Variants in B3GALNT1 observed in about 807,000 individuals in gnomAD.
B3GALNT1 encodes beta-1,3-N-acetylgalactosaminyltransferase 1 (Globoside blood group), also known as UDP-GalNAc:beta-1,3-N-acetylgalactosaminyltransferase 1.
In B3GALNT1, 17 loss-of-function variants were observed where a neutral mutation model predicts 27.3. The ratio of observed to expected loss-of-function variants is 0.62; its 90% CI spans 0.43 to 0.94. B3GALNT1 has a LOEUF of 0.94. Ranked by LOEUF, B3GALNT1 falls within the 40% of genes least tolerant of loss-of-function variation. The pLI is 0.00. For synonymous variants in B3GALNT1, 141 were observed against 144.0 expected (o/e 0.98, Z 0.15); for missense variants, 347 against 390.0 (o/e 0.89, Z 0.93).
intron 4 of B3GALNT1, among the ~76,000 whole-genome samples, chr3:161,094,253 A>C (rs1424129362): frequency 6.6e-6 from 1 of 152,242 alleles, no homozygotes; most frequent in Non-Finnish European, 1.5e-5. Flanking sequence ...TGATATAAAC[A>C]GTATGGCAGC....
intron 3 of B3GALNT1, 94 bp from the exon 4 acceptor site, chr3:161,101,327 T>C: frequency 1.4e-6 from 1 of 689,910 alleles, no homozygotes; most frequent in South Asian, 1.5e-5. Context: ...ACAAAGAGCT[T>C]TATCCACTGG....
At chr3:161,095,052 G>A (rs773150651) in intron 4 of B3GALNT1, among the ~76,000 whole-genome samples, 3 of 152,028 alleles carry the variant, frequency 2.0e-5, no homozygotes, top group African/African-American at 7.2e-5. Flanking sequence ...AGCTGGTCTC[G>A]AACTCCTGGA....
chr3:161,104,480 C>T (rs1380724364), intron 1 of B3GALNT1, 74 bp from the exon 2 acceptor site: 4 of 596,908 alleles, frequency 6.7e-6, no homozygotes, highest in African/African-American at 5.9e-5. Flanking sequence ...ATTAAGAAGG[C>T]GAACGGATAC....
intron 4 of B3GALNT1, among the ~76,000 whole-genome samples, chr3:161,093,356 A>C (rs1183182593): frequency 6.6e-6 from 1 of 152,216 alleles, no homozygotes; most frequent in Admixed American, 6.5e-5. Context: ...GCATGTAGAT[A>C]AATAAGGGCT....
intron 4 of B3GALNT1, among the ~76,000 whole-genome samples, chr3:161,091,841 A>G (rs1220688866): frequency 6.6e-6 from 1 of 152,210 alleles, no homozygotes; most frequent in African/African-American, 2.4e-5. Context: ...GGAATGACAG[A>G]ATAAGAAAAC....
chr3:161,092,660 A>G (rs1203571784), intron 4 of B3GALNT1, among the ~76,000 whole-genome samples: 8 of 152,064 alleles, frequency 5.3e-5, no homozygotes, highest in Non-Finnish European at 1.2e-4. Flanking sequence ...CATAATAAAA[A>G]TGCTTTGGAT....
rs1003922550 is a variant in B3GALNT1 at position 161,084,285 on chromosome 3, T to A, written c.*1474A>T. ...GAATATTTCATTTAATTGATTTTAT[T>A]ATAACTGGATTAGGTCTGAGCCCTG... is the stretch of plus-strand genomic sequence containing the variant. On this transcript the variant is annotated 3_prime_UTR_variant, in exon 5 of 5. Coordinates refer to ENST00000320474, the MANE Select transcript of B3GALNT1 (RefSeq NM_003781.4). The A allele has an allele frequency of 4.6e-5, 7 of 152,242 alleles. No individual in the cohort carries two copies. The highest frequency in any genetic ancestry group is 1.4e-4 in the African/African-American group (6 of 41,472). The allele number at this position is 152,242 out of a possible 1,614,324, so 9.4% of individuals were successfully genotyped here. A position where few individuals can be genotyped will look rare whatever the true frequency, so the allele number is the denominator to read the frequency against.
rs1270288165 is a variant in B3GALNT1 at position 161,095,450 on chromosome 3, A to G, written c.-35+5689T>C. Among the ~76,000 whole-genome samples the G allele has an allele frequency of 3.3e-5, 5 of 152,230 alleles. No individual in the cohort carries two copies. The East Asian group carries it at 9.6e-4, about 29-fold the overall frequency. On this transcript the variant is annotated intron_variant, in intron 4 of 4. Coordinates refer to ENST00000320474, the MANE Select transcript of B3GALNT1 (RefSeq NM_003781.4). ...AGTTTAGGGCACAGGTGCATACTTC[A>G]CTTGTTAGATAACCTGTCTTTGTAA... is the stretch of plus-strand genomic sequence containing the variant.
Position 161,085,758 on chromosome 3 carries a change from GTT to G in B3GALNT1, c.995_996del (p.Ter332SerfsTer37). The G allele has an allele frequency of 6.2e-7, 1 of 1,614,040 alleles. No homozygotes were observed. The highest frequency in any genetic ancestry group is 1.1e-5 in the South Asian group (1 of 91,086). On this transcript the variant is annotated frameshift_variant and stop_lost, in exon 5 of 5. Transcript: ENST00000320474. LOFTEE classifies it high-confidence loss of function. The part of the protein sequence containing the change: ...VMLRNTTCHY[*>X] ...TTCTAGGCTTTTTGTAGAATGTGAA[GTT>G]AATAATGGCATGTGGTGTTCCTTAG...
At chr3:161,095,799 C>G (rs1217803133) in intron 4 of B3GALNT1, among the ~76,000 whole-genome samples, 2 of 152,224 alleles carry the variant, frequency 1.3e-5, no homozygotes, top group Non-Finnish European at 2.9e-5. Context: ...CTGTGAGAAA[C>G]AGTTAGTGTG....
At chr3:161,100,202 A>C (rs919077773) in intron 4 of B3GALNT1, among the ~76,000 whole-genome samples, 1 of 152,240 alleles carries the variant, frequency 6.6e-6, no homozygotes, top group Admixed American at 6.5e-5. Flanking sequence ...ATTGATGTTT[A>C]AAATGTAGTT....
At chr3:161,086,813 T>C in intron 4 of B3GALNT1, 25 bp from the exon 5 acceptor site, 1 of 1,597,310 alleles carries the variant, frequency 6.3e-7, no homozygotes, top group South Asian at 1.1e-5. Context: ...AAAGATTGGG[T>C]TAATATTCCA....
At position 161,101,202 on chromosome 3, in the gene B3GALNT1, A is replaced by G; in HGVS notation, c.-98T>C. 3.9e-6 allele frequency: 5 copies of G among 1,289,932 alleles called. No individual in the cohort carries two copies. Among genetic ancestry groups the G allele is most frequent in the Non-Finnish European group, 5.1e-6 (5 of 988,886 alleles). The allele number at this position is 1,289,932 out of a possible 1,614,324, so 79.9% of individuals were successfully genotyped here. ...ATAGAGCAGCCAGCGGGAAGAGCCA[A>G]CAGGTCAACCGGGTCCAGGGAGCTA... On this transcript the variant is annotated 5_prime_UTR_variant, in exon 4 of 5. Coordinates refer to ENST00000320474, the MANE Select transcript of B3GALNT1 (RefSeq NM_003781.4).
chr3:161,094,450 C>T (rs1278570813), intron 4 of B3GALNT1, among the ~76,000 whole-genome samples: 2 of 152,028 alleles, frequency 1.3e-5, no homozygotes, highest in African/African-American at 2.4e-5. Context: ...GCAAAGATTC[C>T]AGGAAAACAG....
chr3:161,098,783 G>A (rs1729609336), intron 4 of B3GALNT1, among the ~76,000 whole-genome samples: 1 of 152,188 alleles, frequency 6.6e-6, no homozygotes, highest in Non-Finnish European at 1.5e-5. Flanking sequence ...ATAAGTTGCT[G>A]AGACTCTGTA....
intron 4 of B3GALNT1, among the ~76,000 whole-genome samples, chr3:161,089,215 T>C (rs1372749172): frequency 6.6e-6 from 1 of 152,218 alleles, no homozygotes; most frequent in Non-Finnish European, 1.5e-5. Context: ...TGATAATATA[T>C]GCAAAACTTC....
chr3:161,101,521 T>G (rs1464523427), intron 3 of B3GALNT1, among the ~76,000 whole-genome samples: 1 of 152,062 alleles, frequency 6.6e-6, no homozygotes, highest in Non-Finnish European at 1.5e-5. Flanking sequence ...GGGGCAGCAG[T>G]GGGGAAGCAG....
rs1452487724 is a variant in B3GALNT1 at position 161,105,316 on chromosome 3, C to T, written c.-390G>A. The T allele has an allele frequency of 2.0e-5, 3 of 152,142 alleles. No individual in the cohort carries two copies. Among genetic ancestry groups the T allele is most frequent in the Non-Finnish European group, 4.4e-5 (3 of 68,060 alleles). 9.4% of individuals were successfully genotyped at this position (152,142 alleles called of 1,614,324 possible). A position where few individuals can be genotyped will look rare whatever the true frequency, so the allele number is the denominator to read the frequency against. On this transcript the variant is annotated 5_prime_UTR_variant, in exon 1 of 5. The change abolishes an upstream ATG in the 5' untranslated region. Coordinates refer to ENST00000320474, the MANE Select transcript of B3GALNT1 (RefSeq NM_003781.4). ...CCTGCGCACACACGCAGCCTCCCCGCATCCGCACGCACGGCCGGGCGCGCG... is the reference window on the plus strand; with the variant it reads ...CCTGCGCACACACGCAGCCTCCCCGTATCCGCACGCACGGCCGGGCGCGCG...
intron 4 of B3GALNT1, among the ~76,000 whole-genome samples, chr3:161,098,791 G>A (rs1315151951): frequency 6.6e-6 from 1 of 152,176 alleles, no homozygotes; most frequent in Non-Finnish European, 1.5e-5. Context: ...CTGAGACTCT[G>A]TAAACATTAG....
Sources: allele counts gnomAD v4.1 joint callset (sites outside exome capture counted in the v4.1 genomes callset), GRCh38; gene constraint gnomAD v4.1.1; transcripts MANE v1.5; gene names NCBI Gene and HGNC (gene_info 2026-07-23, HGNC 2026-07-21).